SPOCK3: variants seen among roughly 807,000 people sequenced by gnomAD.
The protein encoded by SPOCK3 is testican-3.
SPOCK3 carries 30 observed loss-of-function variants against 56.6 expected under a neutral mutation model. The observed-to-expected ratio is 0.53, with a 90% CI of 0.40 to 0.72. The LOEUF (loss-of-function observed/expected upper bound fraction) is 0.72, where lower values mean the gene tolerates loss of function less well. Ranked by LOEUF, SPOCK3 falls within the 30% of genes least tolerant of loss-of-function variation. The pLI is 0.00. For missense variants in SPOCK3, 527 were observed against 530.0 expected, an observed-to-expected ratio of 0.99 and a Z score of 0.06; for synonymous variants, 196 against 183.3, an observed-to-expected ratio of 1.07 and a Z score of -0.56.
At chr4:166,923,476 A>G (rs1738733620) in intron 4 of SPOCK3, among the ~76,000 whole-genome samples, 1 of 152,240 alleles carries the variant, frequency 6.6e-6, no homozygotes, top group Non-Finnish European at 1.5e-5. Context: ...TCTGATAACA[A>G]AAAAGCTTCA....
At chr4:167,049,113 T>TC (rs1252836341) in intron 3 of SPOCK3, among the ~76,000 whole-genome samples, 17 of 151,594 alleles carry the variant, frequency 1.1e-4, no homozygotes, top group Admixed American at 1.1e-3. Flanking sequence ...TTTTTCTTTT[T>TC]TTTTTTTTGA....
At chr4:167,008,761 T>C (rs142668852) in intron 3 of SPOCK3, among the ~76,000 whole-genome samples, 60 of 152,208 alleles carry the variant, frequency 3.9e-4, no homozygotes, top group African/African-American at 1.3e-3. Context: ...TACCACATAT[T>C]CTTACTTACA....
intron 2 of SPOCK3, among the ~76,000 whole-genome samples, chr4:167,231,641 A>G (rs1260607807): frequency 1.3e-5 from 2 of 152,138 alleles, no homozygotes; most frequent in African/African-American, 4.8e-5. Context: ...GAGCTACAGA[A>G]AAGATTATTA....
chr4:167,232,913 G>A (rs1282732192), intron 2 of SPOCK3, among the ~76,000 whole-genome samples: 5 of 152,156 alleles, frequency 3.3e-5, no homozygotes, highest in Admixed American at 6.5e-5. Flanking sequence ...TTCCTAAATG[G>A]TGACTGAGTC....
chr4:166,762,141 C>T (rs1737324388), intron 7 of SPOCK3, among the ~76,000 whole-genome samples: 3 of 151,992 alleles, frequency 2.0e-5, no homozygotes, highest in Admixed American at 2.0e-4. Context: ...AGAATCAAAA[C>T]AGAGTTATCT....
At chr4:166,835,852 T>C (rs1210120029) in intron 6 of SPOCK3, among the ~76,000 whole-genome samples, 2 of 152,030 alleles carry the variant, frequency 1.3e-5, no homozygotes, top group South Asian at 2.1e-4. Context: ...ATAAAAAAAT[T>C]AGCATTAGCC....
intron 8 of SPOCK3, among the ~76,000 whole-genome samples, 176 bp from the exon 9 acceptor site, chr4:166,742,235 ATCT>A (rs1379294307): frequency 3.7e-4 from 3 of 8,174 alleles, no homozygotes; most frequent in African/African-American, 1.5e-3. Context: ...TCTATCTATC[ATCT>A]ATCTATCTAT....
At chr4:167,233,916 C>T (rs1580708588) in intron 2 of SPOCK3, 69 bp downstream of exon 2, 3 of 1,401,956 alleles carry the variant, frequency 2.1e-6, no homozygotes, top group Admixed American at 1.7e-5. Flanking sequence ...CACCCACATC[C>T]GGCGGCCGCG....
rs117535753 is a variant in SPOCK3 at position 166,873,509 on chromosome 4, G to A, written c.589+15621C>T. ...GAGGCTATACATGTGTGGATGTATGGGTTATATGTTAAATCGCTGTACCTT... is the reference window on the plus strand; with the variant it reads ...GAGGCTATACATGTGTGGATGTATGAGTTATATGTTAAATCGCTGTACCTT... On this transcript the variant is annotated intron_variant, in intron 6 of 10. Coordinates refer to ENST00000357545, the MANE Select transcript of SPOCK3 (RefSeq NM_001040159.2). Among the ~76,000 whole-genome samples the A allele has an allele frequency of 7.7e-3, 1,170 of 152,128 alleles. 16 individuals carry two copies. The highest frequency in any genetic ancestry group is 0.056 in the East Asian group (291 of 5,158).
At chr4:166,785,370 G>T (rs1291222450) in intron 7 of SPOCK3, among the ~76,000 whole-genome samples, 1 of 151,972 alleles carries the variant, frequency 6.6e-6, no homozygotes, top group African/African-American at 2.4e-5. Context: ...TGACCATTTT[G>T]TCAACTCAAA....
chr4:166,883,265 G>A (rs1226749513), intron 6 of SPOCK3: 1 of 152,084 alleles, frequency 6.6e-6, no homozygotes, highest in Non-Finnish European at 1.5e-5. Context: ...AGCACTCAGA[G>A]TACTGAAATG....
At chr4:167,059,574 C>A (rs1340267415) in intron 3 of SPOCK3, among the ~76,000 whole-genome samples, 2 of 151,924 alleles carry the variant, frequency 1.3e-5, no homozygotes, top group Non-Finnish European at 2.9e-5. Context: ...CTAGTTCAAC[C>A]ATTGTGGAAG....
intron 2 of SPOCK3, among the ~76,000 whole-genome samples, chr4:167,097,513 G>T (rs1385787453): frequency 2.0e-5 from 3 of 151,676 alleles, no homozygotes; most frequent in African/African-American, 7.3e-5. Context: ...GATGTGTGGA[G>T]TAGAAGCTAT....
chr4:166,912,554 G>C lies in SPOCK3; in HGVS notation c.474+66C>G, dbSNP rs1252651652. ...GAATTATCACATTGGATAAGCAATG[G>C]TTTTAATCATTTACTAATAAGTATG... is the stretch of plus-strand genomic sequence containing the variant. On this transcript the variant is annotated intron_variant, in intron 5 of 10. Transcript: ENST00000357545. 2.8e-6 allele frequency: 4 copies of C among 1,443,920 alleles called. No homozygotes were observed. The African/African-American group carries it at 5.6e-5, about 20-fold the overall frequency. 89.4% of individuals were successfully genotyped at this position (1,443,920 alleles called of 1,614,324 possible). A position where few individuals can be genotyped will look rare whatever the true frequency, so the allele number is the denominator to read the frequency against.
chr4:167,194,157 G>T, intron 2 of SPOCK3, among the ~76,000 whole-genome samples: 1 of 125,306 alleles, frequency 8.0e-6, no homozygotes, highest in African/African-American at 3.3e-5. Flanking sequence ...TGAGTTCACT[G>T]ATTCTTTTAT....
chr4:167,084,068 C>T (rs1281178931), intron 2 of SPOCK3, among the ~76,000 whole-genome samples: 2 of 151,998 alleles, frequency 1.3e-5, no homozygotes, highest in African/African-American at 4.8e-5. Flanking sequence ...AGGATAAGCA[C>T]AGTATAATAA....
chr4:167,136,649 C>A (rs973824422), intron 2 of SPOCK3, among the ~76,000 whole-genome samples: 1 of 152,010 alleles, frequency 6.6e-6, no homozygotes, highest in Non-Finnish European at 1.5e-5. Context: ...TGGCCCATTT[C>A]GAATTGCTGG....
Position 166,845,253 on chromosome 4 carries a change from A to G in SPOCK3, c.589+43877T>C, listed in dbSNP as rs142588746. 2.7e-3 allele frequency among the ~76,000 whole-genome samples: 410 copies of G among 152,328 alleles called. 3 individuals carry two copies. The highest frequency in any genetic ancestry group is 9.2e-3 in the African/African-American group (381 of 41,592). The stretch of plus-strand genomic sequence containing the variant: ...GAAATCATATAATAATTAGCAATTT[A>G]TGACTGAACCATTTGCAAAAAGAAC... On this transcript the variant is annotated intron_variant, in intron 6 of 10. Transcript: ENST00000357545.
intron 2 of SPOCK3, among the ~76,000 whole-genome samples, chr4:167,178,149 C>T (rs553231498): frequency 6.6e-6 from 1 of 152,214 alleles, no homozygotes; most frequent in East Asian, 1.9e-4. Context: ...CATTTCCCAG[C>T]CCAGAGCTCA....
Sources: gnomAD v4.1 joint callset for allele counts (sites outside exome capture counted in the v4.1 genomes callset) on GRCh38, gnomAD v4.1.1 for gene constraint, MANE v1.5 for transcripts, NCBI Gene and HGNC (gene_info 2026-07-23, HGNC 2026-07-21) for gene names.